The following SCN3A variants were observed in gnomAD, a reference collection of about 807,000 sequenced individuals.
SCN3A encodes the protein sodium voltage-gated channel alpha subunit 3.
In SCN3A, 60 loss-of-function variants were observed where a neutral mutation model predicts 187.6. That is an observed-to-expected ratio of 0.32 (90% CI 0.26 to 0.40). The LOEUF (loss-of-function observed/expected upper bound fraction) is 0.40, where lower values mean the gene tolerates loss of function less well. Ranked by LOEUF, SCN3A falls within the 10% of genes least tolerant of loss-of-function variation. The pLI is 1.00. For synonymous variants in SCN3A, 788 were observed against 829.2 expected, an observed-to-expected ratio of 0.95 and a Z score of 0.85; for missense variants, 1,601 against 2,428.2, an observed-to-expected ratio of 0.66 and a Z score of 7.16.
chr2:165,097,695 T>C (rs1574102369), intron 22 of SCN3A, 171 bp from the exon 23 acceptor site: 2 of 810,106 alleles, frequency 2.5e-6, no homozygotes, highest in Non-Finnish European at 3.9e-6. Context: ...AAACAAACAA[T>C]GACACAACTA....
In SCN3A at chr2:165,168,832, T is replaced by A; in HGVS notation, c.384-7A>T. 6.3e-7 allele frequency: 1 copy of A among 1,597,194 alleles called. No homozygotes were observed. Among genetic ancestry groups the A allele is most frequent in the Non-Finnish European group, 8.6e-7 (1 of 1,165,020 alleles). On this transcript the variant is annotated splice_region_variant and splice_polypyrimidine_tract_variant and intron_variant, in intron 4 of 27. Coordinates refer to ENST00000283254, the MANE Select transcript of SCN3A (RefSeq NM_006922.4). ...GATAAGCATGCTGAATAAAGTAGAT[T>A]ATAGTTAAGGAATAAATGTTAGTAG...
intron 11 of SCN3A, among the ~76,000 whole-genome samples, chr2:165,147,820 A>G (rs967100710): frequency 2.6e-5 from 4 of 152,308 alleles, no homozygotes; most frequent in African/African-American, 9.6e-5. Flanking sequence ...CAAATGAAAC[A>G]CAGTCAGCTC....
chr2:165,164,828 A>G (rs1278915107), intron 5 of SCN3A, among the ~76,000 whole-genome samples: 1 of 152,190 alleles, frequency 6.6e-6, no homozygotes, highest in Non-Finnish European at 1.5e-5. Flanking sequence ...TATCTGATAG[A>G]AATGTAATGG....
At chr2:165,139,054 G>A (rs1374559615) in intron 14 of SCN3A, among the ~76,000 whole-genome samples, 2 of 152,128 alleles carry the variant, frequency 1.3e-5, no homozygotes, top group Non-Finnish European at 2.9e-5. Flanking sequence ...GTGGAGGACA[G>A]GTTTTGATTT....
intron 2 of SCN3A, among the ~76,000 whole-genome samples, chr2:165,180,732 A>T (rs1163560263): frequency 3.3e-5 from 5 of 152,084 alleles, no homozygotes; most frequent in Non-Finnish European, 7.4e-5. Flanking sequence ...ATCACTGAGG[A>T]CCCTGTACTA....
intron 1 of SCN3A, among the ~76,000 whole-genome samples, chr2:165,196,418 G>T (rs903795348): frequency 6.6e-6 from 1 of 152,054 alleles, no homozygotes; most frequent in Non-Finnish European, 1.5e-5. Flanking sequence ...TGACCACGTT[G>T]GCAGAATGTT....
Position 165,090,794 on chromosome 2 carries a change from C to T in SCN3A, c.5359G>A (p.Glu1787Lys). 6.2e-7 allele frequency: 1 copy of T among 1,614,110 alleles called. No homozygotes were observed. Among genetic ancestry groups the T allele is most frequent in the South Asian group, 1.1e-5 (1 of 91,086 alleles). ...ATEESAEPLS[E>K]DDFEMFYEVW... ...TCATAGAACATCTCAAAGTCATCCT[C>T]ACTCAGGGGCTCTGCACTTTCTTCA... Residue 1787 changes from glutamate (E) to lysine (K), a missense_variant, in exon 28 of 28, where the codon GAG becomes AAG. This residue lies in a region of SCN3A where 110 missense variants were observed against 175.9 expected (regional missense o/e 0.63). Coordinates refer to ENST00000283254, the MANE Select transcript of SCN3A (RefSeq NM_006922.4). This position sits in a 1 kb window ranked among gnomAD's most constrained non-coding sequence, Gnocchi z 4.0.
At chr2:165,199,570 G>A (rs1016576786) in intron 1 of SCN3A, among the ~76,000 whole-genome samples, 7 of 149,774 alleles carry the variant, frequency 4.7e-5, no homozygotes, top group African/African-American at 1.5e-4. Flanking sequence ...CAGGAAAGAA[G>A]TGGGATATTA....
chr2:165,107,472 T>C (rs1685917510), intron 21 of SCN3A, among the ~76,000 whole-genome samples: 1 of 152,202 alleles, frequency 6.6e-6, no homozygotes, highest in Non-Finnish European at 1.5e-5. Context: ...TAATATGAAA[T>C]GACAATAATT....
At chr2:165,176,680 A>T (rs981908771) in intron 2 of SCN3A, among the ~76,000 whole-genome samples, 10 of 152,174 alleles carry the variant, frequency 6.6e-5, no homozygotes, top group Non-Finnish European at 1.3e-4. Context: ...TGATTTAGCC[A>T]TTCTACAATG....
intron 18 of SCN3A, among the ~76,000 whole-genome samples, chr2:165,117,780 AAAT>A (rs1173113863): frequency 6.6e-6 from 1 of 152,136 alleles, no homozygotes; most frequent in Admixed American, 6.5e-5. Context: ...ATTTAATAAA[AAAT>A]AATATGTTAA....
intron 9 of SCN3A, among the ~76,000 whole-genome samples, chr2:165,157,873 T>C (rs749052045): frequency 4.6e-5 from 7 of 152,210 alleles, no homozygotes; most frequent in Non-Finnish European, 7.4e-5. Context: ...CTCTTTCAGT[T>C]GACACCTGTA....
intron 9 of SCN3A, among the ~76,000 whole-genome samples, chr2:165,160,462 A>G (rs187483768): frequency 6.6e-6 from 1 of 152,196 alleles, no homozygotes; most frequent in Non-Finnish European, 1.5e-5. Flanking sequence ...TACTTAAGCC[A>G]TAATAGGAAT....
At chr2:165,198,529 T>G (rs1460542034) in intron 1 of SCN3A, among the ~76,000 whole-genome samples, 4 of 152,068 alleles carry the variant, frequency 2.6e-5, no homozygotes, top group African/African-American at 9.7e-5. Context: ...GATGATTCCA[T>G]TTAACAACAG....
At chr2:165,118,855 T>C (rs551700274) in intron 18 of SCN3A, among the ~76,000 whole-genome samples, 4 of 152,276 alleles carry the variant, frequency 2.6e-5, no homozygotes, top group South Asian at 4.1e-4. Context: ...CTCCGCTTCC[T>C]GGGTTCACAC....
intron 12 of SCN3A, 146 bp downstream of exon 12, chr2:165,146,593 T>A: frequency 1.3e-6 from 1 of 779,356 alleles, no homozygotes; most frequent in East Asian, 2.7e-5. Flanking sequence ...GACAATCTAT[T>A]ATAAGAATTT....
At chr2:165,199,353 T>C (rs1046046511) in intron 1 of SCN3A, among the ~76,000 whole-genome samples, 1 of 152,094 alleles carries the variant, frequency 6.6e-6, no homozygotes, top group Admixed American at 6.6e-5. Context: ...CTTACAGAAA[T>C]AACTCCAGAT....
At chr2:165,097,571 G>GTTTCCATTCA in intron 22 of SCN3A, 47 bp from the exon 23 acceptor site, 1 of 1,603,770 alleles carries the variant, frequency 6.2e-7, no homozygotes, top group Non-Finnish European at 8.5e-7. Context: ...CTTTTGAATG[G>GTTTCCATTCA]AAACCATTCC....
At chr2:165,099,512 A>G (rs1414270783) in intron 22 of SCN3A, among the ~76,000 whole-genome samples, 1 of 152,082 alleles carries the variant, frequency 6.6e-6, no homozygotes, top group Admixed American at 6.6e-5. Flanking sequence ...AGGTCAGGGG[A>G]TCGAGACCAT....
Sources: gnomAD v4.1 joint callset for allele counts (sites outside exome capture counted in the v4.1 genomes callset) on GRCh38, gnomAD v4.1.1 for gene constraint, gnomAD v4.1.1 regional missense constraint, Gnocchi (gnomAD v3.1) non-coding constraint, MANE v1.5 for transcripts, NCBI Gene and HGNC (gene_info 2026-07-23, HGNC 2026-07-21) for gene names.